The following EPB41L4B variants were observed in gnomAD, a reference collection of about 807,000 sequenced individuals.
The protein encoded by EPB41L4B is band 4.1-like protein 4B.
Under a neutral mutation model 112.5 loss-of-function variants are expected in EPB41L4B, and 30 were observed. The observed-to-expected ratio is 0.27, with a 90% CI of 0.20 to 0.36. The LOEUF is 0.36. Among genes scored for constraint, EPB41L4B ranks in the 10% least tolerant of loss-of-function variants. The probability of loss-of-function intolerance (pLI) is 1.00; values close to 1 mark genes in which losing one functional copy is unlikely to be tolerated. For synonymous variants in EPB41L4B, 408 were observed against 439.7 expected (o/e 0.93, Z 0.90); for missense variants, 1,024 against 1,133.3 (o/e 0.90, Z 1.38).
intron 24 of EPB41L4B, among the ~76,000 whole-genome samples, chr9:109,177,148 C>T (rs1831872205): frequency 1.3e-5 from 2 of 152,286 alleles, no homozygotes; most frequent in East Asian, 1.9e-4. Flanking sequence ...CAAGGTCACA[C>T]AGTTAGTAAG....
At chr9:109,176,050 G>GCACACACACA (rs58215877) in intron 25 of EPB41L4B, among the ~76,000 whole-genome samples, 1 of 32,926 alleles carries the variant, frequency 3.0e-5, no homozygotes. Context: ...TCACACACAC[G>GCACACACACA]CACACACACA....
intron 15 of EPB41L4B, among the ~76,000 whole-genome samples, chr9:109,226,735 TG>T (rs1290922783): frequency 1.7e-5 from 2 of 118,144 alleles, no homozygotes; most frequent in Admixed American, 9.9e-5. Flanking sequence ...AGTATATATA[TG>T]AAGAATATAT....
intron 20 of EPB41L4B, among the ~76,000 whole-genome samples, chr9:109,198,627 C>A (rs1330497899): frequency 6.6e-6 from 1 of 152,160 alleles, no homozygotes; most frequent in Non-Finnish European, 1.5e-5. Context: ...GAACTACAAG[C>A]CGGGCACGGT....
At chr9:109,199,434 C>T (rs1225112213) in intron 20 of EPB41L4B, among the ~76,000 whole-genome samples, 7 of 152,046 alleles carry the variant, frequency 4.6e-5, no homozygotes, top group South Asian at 2.1e-4. Flanking sequence ...TTTGGGAGGT[C>T]GAGGCAGGCA....
chr9:109,253,832 C>T (rs1834883660), intron 11 of EPB41L4B, among the ~76,000 whole-genome samples: 2 of 152,200 alleles, frequency 1.3e-5, no homozygotes, highest in African/African-American at 2.4e-5. Flanking sequence ...TTTGATACAT[C>T]TCATTAAGAG....
chr9:109,251,529 A>G lies in EPB41L4B; in HGVS notation c.1280-18T>C. 6.2e-7 allele frequency: 1 copy of G among 1,613,188 alleles called. No homozygotes were observed. Among genetic ancestry groups the G allele is most frequent in the Non-Finnish European group, 8.5e-7 (1 of 1,179,086 alleles). Reference sequence around the variant, plus strand: ...GTTGCTTGCTATAAAGGAAAAACAGAAAGTTATGACATCTTAGAGAACTTT... The same window carrying G: ...GTTGCTTGCTATAAAGGAAAAACAGGAAGTTATGACATCTTAGAGAACTTT... On this transcript the variant is annotated intron_variant, in intron 12 of 25. Transcript: ENST00000374566.
chr9:109,179,003 T>C (rs575601859), intron 24 of EPB41L4B, among the ~76,000 whole-genome samples: 91 of 151,906 alleles, frequency 6.0e-4, no homozygotes, highest in African/African-American at 2.1e-3. Context: ...TTTTTTAATA[T>C]TTGTTGAATG....
At chr9:109,190,278 A>G (rs1273649359) in intron 22 of EPB41L4B, among the ~76,000 whole-genome samples, 1 of 152,084 alleles carries the variant, frequency 6.6e-6, no homozygotes, top group African/African-American at 2.4e-5. Flanking sequence ...AAATGACTAC[A>G]TGGAAAAAGT....
At chr9:109,185,179 C>T (rs183380258) in intron 23 of EPB41L4B, among the ~76,000 whole-genome samples, 16 of 152,312 alleles carry the variant, frequency 1.1e-4, no homozygotes, top group Non-Finnish European at 1.9e-4. Context: ...CATAAGAGTC[C>T]GTCTGGTGAG....
intron 1 of EPB41L4B, among the ~76,000 whole-genome samples, chr9:109,285,148 T>C (rs1247929980): frequency 6.6e-6 from 1 of 152,192 alleles, no homozygotes; most frequent in Admixed American, 6.5e-5. Flanking sequence ...ATCCAACCCA[T>C]TCCCCACCTG....
At chr9:109,320,100 G>A in intron 1 of EPB41L4B, 41 bp downstream of exon 1, 3 of 1,385,628 alleles carry the variant, frequency 2.2e-6, no homozygotes, top group Middle Eastern at 2.1e-4. Flanking sequence ...TGCCTCCAGG[G>A]GCGCGAGGTG....
chr9:109,250,947 C>T (rs1334904105), intron 13 of EPB41L4B, among the ~76,000 whole-genome samples: 1 of 152,240 alleles, frequency 6.6e-6, no homozygotes, highest in Non-Finnish European at 1.5e-5. Context: ...ACAGCAGAGC[C>T]TGCAAAGTCT....
rs1835490936 is a variant in EPB41L4B, at chr9:109,268,549, G to A, written c.412-116C>T. ...TTCTACCCACAAAAACCAGGGTTTGGATCATATCATGGGTTCTTAGGCTGG... is the reference window on the plus strand; with the variant it reads ...TTCTACCCACAAAAACCAGGGTTTGAATCATATCATGGGTTCTTAGGCTGG... On this transcript the variant is annotated intron_variant, in intron 2 of 25. Coordinates refer to ENST00000374566, the MANE Select transcript of EPB41L4B (RefSeq NM_019114.5). The A allele has an allele frequency of 8.8e-6, 8 of 908,000 alleles. No homozygotes were observed. In the South Asian group the frequency reaches 1.3e-4, roughly 15 times the overall value. The allele number at this position is 908,000 out of a possible 1,614,324, so 56.2% of individuals were successfully genotyped here. A position where few individuals can be genotyped will look rare whatever the true frequency, so the allele number is the denominator to read the frequency against.
Position 109,174,477 on chromosome 9 carries a change from G to C in EPB41L4B, c.*77C>G. ...GAGCACACACTTGTATGCTGTGCTA[G>C]AGTGAGCACACAAAGCCCGAAGAAA... On this transcript the variant is annotated 3_prime_UTR_variant, in exon 26 of 26. Transcript: ENST00000374566. 7.5e-7 allele frequency: 1 copy of C among 1,337,176 alleles called. No homozygotes were observed. The highest frequency in any genetic ancestry group is 1.1e-6 in the Non-Finnish European group (1 of 927,880). 82.8% of individuals were successfully genotyped at this position (1,337,176 alleles called of 1,614,324 possible). A position where few individuals can be genotyped will look rare whatever the true frequency, so the allele number is the denominator to read the frequency against.
intron 17 of EPB41L4B, among the ~76,000 whole-genome samples, chr9:109,210,798 G>T (rs1833139877): frequency 6.6e-6 from 1 of 152,140 alleles, no homozygotes; most frequent in African/African-American, 2.4e-5. Flanking sequence ...AGAATGTTGT[G>T]CTTTCTCCTT....
At chr9:109,279,653 T>C (rs1424769653) in intron 2 of EPB41L4B, among the ~76,000 whole-genome samples, 164 bp downstream of exon 2, 1 of 152,266 alleles carries the variant, frequency 6.6e-6, no homozygotes, top group Non-Finnish European at 1.5e-5. Context: ...ACAAGCATTG[T>C]GACGCATGGC....
intron 15 of EPB41L4B, among the ~76,000 whole-genome samples, chr9:109,226,757 T>TATATATATGAAGA (rs1564279258): frequency 1.8e-3 from 69 of 37,514 alleles, no homozygotes; most frequent in Non-Finnish European, 2.9e-3. Context: ...ATATGAAGAA[T>TATATATATGAAGA]ATATATATAT....
At chr9:109,188,041 T>A (rs1207754304) in intron 22 of EPB41L4B, among the ~76,000 whole-genome samples, 5 of 152,204 alleles carry the variant, frequency 3.3e-5, no homozygotes, top group Non-Finnish European at 7.3e-5. Flanking sequence ...CTTTCTTCCT[T>A]GGGTCTTTTC....
chr9:109,267,631 G>A (rs1303575357), intron 3 of EPB41L4B, 80 bp from the exon 4 acceptor site: 9 of 919,526 alleles, frequency 9.8e-6, no homozygotes, highest in African/African-American at 1.6e-5. Context: ...GGGAAAGCAC[G>A]TTAAATCTAT....
Sources: gnomAD v4.1 joint callset for allele counts (sites outside exome capture counted in the v4.1 genomes callset) on GRCh38, gnomAD v4.1.1 for gene constraint, MANE v1.5 for transcripts, NCBI Gene and HGNC (gene_info 2026-07-23, HGNC 2026-07-21) for gene names.